PDLIM5: variants seen among roughly 807,000 people sequenced by gnomAD.
PDLIM5 encodes the protein PDZ and LIM domain 5, also known as PDZ and LIM domain protein 5.
PDLIM5 carries 34 observed loss-of-function variants against 64.2 expected under a neutral mutation model. That is an observed-to-expected ratio of 0.53 (90% CI 0.40 to 0.71). PDLIM5 has a LOEUF of 0.71. Among genes scored for constraint, PDLIM5 ranks in the 30% least tolerant of loss-of-function variants. The pLI is 0.00. For missense variants in PDLIM5, 683 were observed against 733.6 expected, an observed-to-expected ratio of 0.93 and a Z score of 0.80; for synonymous variants, 253 against 269.1, an observed-to-expected ratio of 0.94 and a Z score of 0.59.
chr4:94,452,614 A>T (rs906130307), intron 1 of PDLIM5, among the ~76,000 whole-genome samples: 4 of 152,206 alleles, frequency 2.6e-5, no homozygotes, highest in Non-Finnish European at 4.4e-5. Context: ...ATTTGTTAAC[A>T]CTTGAGTACT....
intron 2 of PDLIM5, among the ~76,000 whole-genome samples, chr4:94,465,201 C>T (rs1724243292): frequency 1.3e-5 from 2 of 152,062 alleles, no homozygotes; most frequent in Admixed American, 1.3e-4. Context: ...TTCATGTATC[C>T]TTTGCTCTCT....
intron 3 of PDLIM5, among the ~76,000 whole-genome samples, chr4:94,539,545 G>T (rs1731598952): frequency 6.6e-6 from 1 of 152,130 alleles, no homozygotes; most frequent in Non-Finnish European, 1.5e-5. Context: ...TAAAAGAAAT[G>T]CATCTCTCAG....
intron 7 of PDLIM5, chr4:94,611,330 A>G: frequency 7.6e-6 from 5 of 660,744 alleles, no homozygotes; most frequent in Non-Finnish European, 1.3e-5. Context: ...CCCAATTTTG[A>G]ATGAACTGTA....
chr4:94,610,942 C>A, intron 7 of PDLIM5: 1 of 636,826 alleles, frequency 1.6e-6, no homozygotes, highest in Non-Finnish European at 2.7e-6. Flanking sequence ...TGCTTCCCCT[C>A]CTTCTTCCTC....
intron 2 of PDLIM5, among the ~76,000 whole-genome samples, chr4:94,502,934 T>C (rs1418923185): frequency 6.6e-6 from 1 of 152,074 alleles, no homozygotes; most frequent in African/African-American, 2.4e-5. Flanking sequence ...AGGAAGCATA[T>C]TGAAATAGAT....
At chr4:94,625,383 A>G (rs1030031386) in intron 8 of PDLIM5, among the ~76,000 whole-genome samples, 1 of 152,038 alleles carries the variant, frequency 6.6e-6, no homozygotes, top group Admixed American at 6.5e-5. Flanking sequence ...ATAAAAACAT[A>G]TATTGATATT....
chr4:94,463,141 G>C (rs1724047454), intron 2 of PDLIM5, among the ~76,000 whole-genome samples: 1 of 152,142 alleles, frequency 6.6e-6, no homozygotes, highest in Admixed American at 6.5e-5. Flanking sequence ...TTTTGGCATA[G>C]TGCCCTGTCA....
At chr4:94,569,907 T>C (rs1197839019) in intron 3 of PDLIM5, among the ~76,000 whole-genome samples, 1 of 152,146 alleles carries the variant, frequency 6.6e-6, no homozygotes, top group Non-Finnish European at 1.5e-5. Context: ...TGGGGTGATA[T>C]CACTCACGCT....
intron 3 of PDLIM5, among the ~76,000 whole-genome samples, chr4:94,559,014 G>C (rs1304052695): frequency 6.6e-6 from 1 of 151,846 alleles, no homozygotes; most frequent in East Asian, 1.9e-4. Flanking sequence ...ATTATTTTTG[G>C]TAAACTAAGG....
rs1553959063 is a variant in PDLIM5, at chr4:94,564,656, C to CTCTTTTTTT, written c.249-8694_249-8693insCTTTTTTTT. ...CACCTTCAAAGGAGGAATTTTGTCT[C>CTCTTTTTTT]TTTTTTTTTTTTTTTTTTTGACAGA... On this transcript the variant is annotated intron_variant, in intron 3 of 12. Transcript: ENST00000317968. Among the ~76,000 whole-genome samples the CTCTTTTTTT allele has an allele frequency of 2.4e-3, 248 of 104,508 alleles. 5 individuals are homozygous for CTCTTTTTTT. The highest frequency in any genetic ancestry group is 9.9e-3 in the African/African-American group (229 of 23,030). 68.6% of individuals were successfully genotyped at this position (104,508 alleles called of 152,430 possible).
intron 8 of PDLIM5, among the ~76,000 whole-genome samples, chr4:94,637,361 C>A (rs1000587309): frequency 2.0e-5 from 3 of 152,032 alleles, no homozygotes; most frequent in African/African-American, 7.2e-5. Flanking sequence ...GAGTTCGAGA[C>A]CAGCCTGGCC....
chr4:94,648,387 T>C lies in PDLIM5; in HGVS notation c.1284-6073T>C, dbSNP rs370024769. On this transcript the variant is annotated intron_variant, in intron 9 of 12. Transcript: ENST00000317968. Reference sequence around the variant, plus strand: ...CAGGCTGGAATGCAGTGGCAGGATCTCAGCTCACTGCAGCCTCCACCTCCC... The same window carrying C: ...CAGGCTGGAATGCAGTGGCAGGATCCCAGCTCACTGCAGCCTCCACCTCCC... 2.7e-3 allele frequency among the ~76,000 whole-genome samples: 404 copies of C among 152,294 alleles called. 4 individuals carry two copies. Among genetic ancestry groups the C allele is most frequent in the African/African-American group, 9.2e-3 (384 of 41,562 alleles).
chr4:94,503,145 A>G (rs1728084268), intron 2 of PDLIM5, among the ~76,000 whole-genome samples: 1 of 152,146 alleles, frequency 6.6e-6, no homozygotes, highest in Non-Finnish European at 1.5e-5. Context: ...ATTATTTCCC[A>G]TGTCCCCCTG....
intron 3 of PDLIM5, among the ~76,000 whole-genome samples, chr4:94,568,336 G>C (rs1290162840): frequency 1.3e-5 from 2 of 152,280 alleles, no homozygotes; most frequent in African/African-American, 4.8e-5. Flanking sequence ...AATATTTACT[G>C]TCTGGCCCTG....
intron 2 of PDLIM5, among the ~76,000 whole-genome samples, chr4:94,502,181 T>C (rs1282069278): frequency 1.3e-5 from 2 of 152,190 alleles, no homozygotes; most frequent in Non-Finnish European, 2.9e-5. Context: ...TGGAAATAGC[T>C]GTGTTTCTCC....
intron 2 of PDLIM5, among the ~76,000 whole-genome samples, chr4:94,523,122 G>T (rs947502799): frequency 7.2e-5 from 11 of 152,162 alleles, no homozygotes; most frequent in African/African-American, 2.7e-4. Flanking sequence ...AAGTTGGGTT[G>T]TCTCAGATAT....
intron 5 of PDLIM5, among the ~76,000 whole-genome samples, chr4:94,585,264 G>A (rs1316557702): frequency 6.6e-6 from 1 of 151,878 alleles, no homozygotes; most frequent in East Asian, 1.9e-4. Flanking sequence ...CTAATTTTTT[G>A]TATTTTTAGC....
chr4:94,618,714 G>A (rs1372491352), intron 8 of PDLIM5, among the ~76,000 whole-genome samples: 6 of 152,190 alleles, frequency 3.9e-5, no homozygotes, highest in African/African-American at 1.2e-4. Flanking sequence ...GGAAACCTGA[G>A]TTCTCATTGA....
Position 94,654,542 on chromosome 4 carries a change from A to G in PDLIM5, c.1366A>G (p.Ile456Val), listed in dbSNP as rs1413299613. ...TCACTGCAAAAATACAATGGCCTAC[A>G]TTGGATTTGTAGAGGAGAAAGGAGC... ...CAHCKNTMAY[I>V]GFVEEKGALY... The change falls in exon 10 of 13, where the codon ATT becomes GTT. Residue 456 changes from isoleucine to valine, a missense_variant. Transcript: ENST00000317968. 3.7e-6 allele frequency: 6 copies of G among 1,612,138 alleles called. No homozygotes were observed. The highest frequency in any genetic ancestry group is 2.2e-5 in the East Asian group (1 of 44,870).
Sources: gnomAD v4.1 joint callset for allele counts (sites outside exome capture counted in the v4.1 genomes callset) on GRCh38, gnomAD v4.1.1 for gene constraint, MANE v1.5 for transcripts, NCBI Gene and HGNC (gene_info 2026-07-23, HGNC 2026-07-21) for gene names.